Variants in GALNT13 observed in about 807,000 individuals in gnomAD.
GALNT13 encodes polypeptide N-acetylgalactosaminyltransferase 13, also known as UDP-GalNAc:polypeptide N-acetylgalactosaminyltransferase 13.
Under a neutral mutation model 64.2 loss-of-function variants are expected in GALNT13, and 28 were observed. That is an observed-to-expected ratio of 0.44 (90% CI 0.32 to 0.60). The LOEUF is 0.60. Among genes scored for constraint, GALNT13 ranks in the 20% least tolerant of loss-of-function variants. The probability of loss-of-function intolerance (pLI) is 0.05; values close to 1 mark genes in which losing one functional copy is unlikely to be tolerated. For synonymous variants in GALNT13, 214 were observed against 224.6 expected, an observed-to-expected ratio of 0.95 and a Z score of 0.42; for missense variants, 577 against 669.8, an observed-to-expected ratio of 0.86 and a Z score of 1.53.
intron 8 of GALNT13, among the ~76,000 whole-genome samples, chr2:154,285,350 A>G (rs34024634): frequency 0.2 from 30,704 of 152,094 alleles, 3,805 homozygotes; most frequent in Admixed American, 0.32. Context: ...TACAGTTTCA[A>G]GTCTTATATT....
chr2:153,774,317 T>C, the GALNT13 span, among the ~76,000 whole-genome samples: 75 of 152,200 alleles, frequency 4.9e-4, 1 homozygote, highest in African/African-American at 1.7e-3. Context: ...TTTCTCTCTC[T>C]CTCCCTTTTC....
the GALNT13 span, among the ~76,000 whole-genome samples, chr2:153,775,739 C>T: frequency 6.6e-5 from 10 of 151,982 alleles, no homozygotes; most frequent in Admixed American, 1.3e-4. Flanking sequence ...AAGTTGTGCA[C>T]TTATTTAAGA....
chr2:154,140,231 G>A (rs1683182369), intron 3 of GALNT13, 106 bp from the exon 4 acceptor site: 5 of 771,316 alleles, frequency 6.5e-6, no homozygotes, highest in Non-Finnish European at 1.0e-5. Context: ...TATAAAACCT[G>A]TATGTAAATA....
the GALNT13 span, among the ~76,000 whole-genome samples, chr2:153,310,445 CT>C: frequency 6.6e-6 from 1 of 152,144 alleles, no homozygotes; most frequent in Non-Finnish European, 1.5e-5. Context: ...TTTGCCACCC[CT>C]GAGACAGCAA....
intron 9 of GALNT13, among the ~76,000 whole-genome samples, chr2:154,394,855 G>C (rs1698982680): frequency 6.6e-6 from 1 of 152,192 alleles, no homozygotes; most frequent in African/African-American, 2.4e-5. Context: ...GCATCAGAAT[G>C]CTTTCTAATA....
At position 154,351,360 on chromosome 2, in the gene GALNT13, C is replaced by T. The variant is rs1051382726; in HGVS notation, c.1157-44631C>T. 2.0e-5 allele frequency among the ~76,000 whole-genome samples: 3 copies of T among 151,950 alleles called. No individual in the cohort carries two copies. The South Asian group carries it at 6.2e-4, about 32-fold the overall frequency. On this transcript the variant is annotated intron_variant, in intron 9 of 12. Coordinates refer to ENST00000392825, the MANE Select transcript of GALNT13 (RefSeq NM_052917.4). ...TGTTGATGTTTGCCGTTGTGAGCTT[C>T]AAGAACTGAATTGAAAAAAAAATGC...
At chr2:153,203,147 C>T in the GALNT13 span, among the ~76,000 whole-genome samples, 3 of 152,166 alleles carry the variant, frequency 2.0e-5, no homozygotes, top group Admixed American at 2.0e-4. Context: ...ATTTTTAGGA[C>T]ATTTAGAATT....
the GALNT13 span, among the ~76,000 whole-genome samples, chr2:153,446,386 A>C: frequency 2.0e-5 from 3 of 152,342 alleles, no homozygotes; most frequent in Middle Eastern, 3.4e-3. Context: ...AGTTAATTCT[A>C]TAAATTTTCT....
the GALNT13 span, among the ~76,000 whole-genome samples, chr2:153,405,101 T>A: frequency 6.6e-6 from 1 of 152,202 alleles, no homozygotes; most frequent in Admixed American, 6.5e-5. Context: ...ACTGGTAAGT[T>A]TCTCCAGAAG....
chr2:154,378,043 G>A (rs1381812844), intron 9 of GALNT13, among the ~76,000 whole-genome samples: 3 of 151,982 alleles, frequency 2.0e-5, no homozygotes. Flanking sequence ...TATGACCCTT[G>A]TCCTTATGGA....
At chr2:153,555,201 T>TC in the GALNT13 span, among the ~76,000 whole-genome samples, 3 of 100,352 alleles carry the variant, frequency 3.0e-5, 1 homozygote, top group South Asian at 1.2e-3. Flanking sequence ...TTTTTTTTTT[T>TC]TTTTTTTTTT....
the GALNT13 span, among the ~76,000 whole-genome samples, chr2:153,112,913 G>A: frequency 2.0e-5 from 3 of 152,022 alleles, no homozygotes; most frequent in African/African-American, 4.8e-5. Context: ...AAATCTAAGA[G>A]CTTTTTTCTC....
intron 1 of GALNT13, among the ~76,000 whole-genome samples, chr2:153,886,715 G>A (rs920199791): frequency 2.0e-5 from 3 of 151,926 alleles, no homozygotes; most frequent in African/African-American, 4.8e-5. Flanking sequence ...TTGATTTGAG[G>A]ACAGTAACTT....
chr2:153,319,763 C>A, the GALNT13 span, among the ~76,000 whole-genome samples: 5 of 152,106 alleles, frequency 3.3e-5, no homozygotes, highest in Admixed American at 1.3e-4. Flanking sequence ...ACCTATAGAT[C>A]CTCACCGTAT....
chr2:153,216,143 T>G, the GALNT13 span, among the ~76,000 whole-genome samples: 11 of 152,056 alleles, frequency 7.2e-5, no homozygotes, highest in Non-Finnish European at 1.3e-4. Flanking sequence ...AATATTGTTG[T>G]GTGAATCAAT....
chr2:153,466,981 A>C, the GALNT13 span, among the ~76,000 whole-genome samples: 3 of 152,042 alleles, frequency 2.0e-5, no homozygotes, highest in African/African-American at 7.2e-5. Flanking sequence ...TCAATAAAAA[A>C]ATATAACTTT....
the GALNT13 span, among the ~76,000 whole-genome samples, chr2:153,074,306 G>A: frequency 1.3e-5 from 2 of 152,048 alleles, no homozygotes; most frequent in African/African-American, 2.4e-5. Context: ...GACCATTTGA[G>A]TTAACTATTT....
the GALNT13 span, among the ~76,000 whole-genome samples, chr2:153,444,224 C>T: frequency 6.6e-6 from 1 of 152,174 alleles, no homozygotes; most frequent in African/African-American, 2.4e-5. Flanking sequence ...TACTTGCCTA[C>T]CTGCTTACAC....
At chr2:154,041,224 T>A (rs997828575) in intron 3 of GALNT13, among the ~76,000 whole-genome samples, 3 of 140,566 alleles carry the variant, frequency 2.1e-5, no homozygotes, top group Non-Finnish European at 4.9e-5. Flanking sequence ...TGTGTTTTGT[T>A]ATAGAAATTA....
Sources: allele counts gnomAD v4.1 joint callset (sites outside exome capture counted in the v4.1 genomes callset), GRCh38; gene constraint gnomAD v4.1.1; transcripts MANE v1.5; gene names NCBI Gene and HGNC (gene_info 2026-07-23, HGNC 2026-07-21).